Variants in MOB3B observed in about 807,000 individuals in gnomAD.
MOB3B encodes MOB kinase activator-like 2B.
In MOB3B, 7 loss-of-function variants were observed where a neutral mutation model predicts 18.7. That is an observed-to-expected ratio of 0.37 (90% CI 0.21 to 0.70). The LOEUF (loss-of-function observed/expected upper bound fraction) is 0.70. Ranked by LOEUF, MOB3B falls within the 30% of genes least tolerant of loss-of-function variation. MOB3B has a pLI of 0.52. For missense variants in MOB3B, 253 were observed against 281.3 expected, an observed-to-expected ratio of 0.90 and a Z score of 0.72; for synonymous variants, 111 against 99.9, an observed-to-expected ratio of 1.11 and a Z score of -0.66.
chr9:27,482,193 T>C (rs892056463), intron 1 of MOB3B, among the ~76,000 whole-genome samples: 1 of 152,252 alleles, frequency 6.6e-6, no homozygotes, highest in Non-Finnish European at 1.5e-5. Context: ...ATTTCCGCCC[T>C]GTTCAACCTT....
intron 1 of MOB3B, among the ~76,000 whole-genome samples, chr9:27,467,172 C>T (rs925757238): frequency 1.3e-5 from 2 of 152,040 alleles, no homozygotes; most frequent in African/African-American, 4.8e-5. Flanking sequence ...AATTGCAAAC[C>T]ATGTATCCTC....
intron 1 of MOB3B, among the ~76,000 whole-genome samples, chr9:27,494,010 G>A (rs895103868): frequency 5.9e-5 from 9 of 152,204 alleles, no homozygotes; most frequent in Admixed American, 2.0e-4. Context: ...AAAAGAATAC[G>A]CACCTGGAGG....
chr9:27,325,359 G>A lies in MOB3B; in HGVS notation c.*5228C>T, dbSNP rs558038324. ...CAAATGCTTAATACAATCATAAATG[G>A]AACCAAAAATATAGTAAACATTTCT... On this transcript the variant is annotated 3_prime_UTR_variant, in exon 4 of 4. Coordinates refer to ENST00000262244, the MANE Select transcript of MOB3B (RefSeq NM_024761.5). 1 of 152,154 alleles carries A rather than the reference G, an allele frequency of 6.6e-6. No homozygotes were observed. The highest frequency in any genetic ancestry group is 2.1e-4 in the South Asian group (1 of 4,810). 9.4% of individuals were successfully genotyped at this position (152,154 alleles called of 1,614,324 possible).
intron 2 of MOB3B, among the ~76,000 whole-genome samples, chr9:27,383,207 A>G (rs1251553144): frequency 6.6e-6 from 1 of 152,178 alleles, no homozygotes; most frequent in Non-Finnish European, 1.5e-5. Flanking sequence ...CCTTGGAGGT[A>G]ATAACAGAAC....
chr9:27,328,262 G>A lies in MOB3B; in HGVS notation c.*2325C>T, dbSNP rs1443869483. On this transcript the variant is annotated 3_prime_UTR_variant, in exon 4 of 4. Transcript: ENST00000262244. ...GAGGGTTGTCAGTCTCTGACCCAGA[G>A]GGCTGAAGCTCCATTTATAACAGAG... 6.6e-6 allele frequency: 1 copy of A among 151,924 alleles called. No homozygotes were observed. Among genetic ancestry groups the A allele is most frequent in the Non-Finnish European group, 1.5e-5 (1 of 67,870 alleles). The allele number at this position is 151,924 out of a possible 1,614,324, so 9.4% of individuals were successfully genotyped here. A position where few individuals can be genotyped will look rare whatever the true frequency, so the allele number is the denominator to read the frequency against.
chr9:27,481,858 T>C (rs1819662866), intron 1 of MOB3B, among the ~76,000 whole-genome samples: 2 of 152,154 alleles, frequency 1.3e-5, no homozygotes, highest in Non-Finnish European at 2.9e-5. Context: ...CGTTGCCATG[T>C]GGGAATACAG....
chr9:27,438,577 A>C (rs1028714199), intron 2 of MOB3B, among the ~76,000 whole-genome samples: 5 of 152,162 alleles, frequency 3.3e-5, no homozygotes, highest in Admixed American at 1.3e-4. Flanking sequence ...GTTTGTTATA[A>C]AGGCTACAAT....
rs1820737610 is a variant in MOB3B at position 27,328,115 on chromosome 9, C to T, written c.*2472G>A. Reference sequence around the variant, plus strand: ...CAAGGCAAAACATTAACAACTGATGCACTAAAGGACATAAGGGTACTCACT... The same window carrying T: ...CAAGGCAAAACATTAACAACTGATGTACTAAAGGACATAAGGGTACTCACT... On this transcript the variant is annotated 3_prime_UTR_variant, in exon 4 of 4. Transcript: ENST00000262244. 6.6e-6 allele frequency: 1 copy of T among 151,244 alleles called. No individual in the cohort carries two copies. The highest frequency in any genetic ancestry group is 1.5e-5 in the Non-Finnish European group (1 of 67,858). The allele number at this position is 151,244 out of a possible 1,614,324, so 9.4% of individuals were successfully genotyped here.
intron 2 of MOB3B, among the ~76,000 whole-genome samples, chr9:27,406,400 T>C (rs1191974901): frequency 6.6e-6 from 1 of 152,158 alleles, no homozygotes; most frequent in Non-Finnish European, 1.5e-5. Flanking sequence ...CTTAAATGTA[T>C]ACAGAACCAC....
chr9:27,383,591 TTTTTATA>T (rs1280216689), intron 2 of MOB3B, among the ~76,000 whole-genome samples: 1 of 152,194 alleles, frequency 6.6e-6, no homozygotes, highest in East Asian at 1.9e-4. Context: ...ACAAGCTGCT[TTTTTATA>T]TGTGGATATG....
intron 1 of MOB3B, among the ~76,000 whole-genome samples, chr9:27,500,398 A>T (rs1294833831): frequency 6.6e-6 from 1 of 152,244 alleles, no homozygotes. Flanking sequence ...ACCAAAACAG[A>T]GATATAGACC....
intron 2 of MOB3B, among the ~76,000 whole-genome samples, chr9:27,370,345 C>T (rs958645419): frequency 5.9e-5 from 9 of 151,942 alleles, no homozygotes; most frequent in Non-Finnish European, 1.2e-4. Flanking sequence ...CCCGTCTGTA[C>T]TAAAAATACA....
intron 1 of MOB3B, among the ~76,000 whole-genome samples, chr9:27,523,519 A>G (rs1173595335): frequency 6.6e-6 from 1 of 152,186 alleles, no homozygotes; most frequent in African/African-American, 2.4e-5. Flanking sequence ...AGAGAAGTTA[A>G]TGAGGCAGAA....
In MOB3B at chr9:27,370,031, A is replaced by G. The variant is rs574680541; in HGVS notation, c.419-10795T>C. 2.0e-5 allele frequency among the ~76,000 whole-genome samples: 3 copies of G among 151,120 alleles called. No individual in the cohort carries two copies. The East Asian group carries it at 5.9e-4, about 30-fold the overall frequency. Reference sequence around the variant, plus strand: ...TAGTCATAGCCCTGGCATCGAATGCATAGCAGAACACGGTGGTTCTCCATA... The same window carrying G: ...TAGTCATAGCCCTGGCATCGAATGCGTAGCAGAACACGGTGGTTCTCCATA... On this transcript the variant is annotated intron_variant, in intron 2 of 3. Transcript: ENST00000262244.
At chr9:27,346,933 T>C (rs1194603531) in intron 3 of MOB3B, among the ~76,000 whole-genome samples, 1 of 151,956 alleles carries the variant, frequency 6.6e-6, no homozygotes, top group African/African-American at 2.4e-5. Context: ...GAGGTGGAGG[T>C]TGCAGTGAGC....
At chr9:27,370,266 T>C (rs1747310692) in intron 2 of MOB3B, among the ~76,000 whole-genome samples, 2 of 151,948 alleles carry the variant, frequency 1.3e-5, no homozygotes. Flanking sequence ...CCCAGCACTT[T>C]GGGAGGCTAA....
At chr9:27,425,207 G>C (rs10812593) in intron 2 of MOB3B, among the ~76,000 whole-genome samples, 80,943 of 151,464 alleles carry the variant, frequency 0.53, 22,111 homozygotes, top group Non-Finnish European at 0.58. Context: ...GAAACCCTGT[G>C]TCTACTAAAA....
chr9:27,460,565 C>T (rs567608283), intron 1 of MOB3B, among the ~76,000 whole-genome samples: 4 of 152,198 alleles, frequency 2.6e-5, no homozygotes, highest in African/African-American at 9.7e-5. Flanking sequence ...AGAGATCCAT[C>T]TTCTCTAGCC....
At chr9:27,500,873 A>C (rs1441146241) in intron 1 of MOB3B, among the ~76,000 whole-genome samples, 1 of 152,238 alleles carries the variant, frequency 6.6e-6, no homozygotes, top group Non-Finnish European at 1.5e-5. Context: ...AATATTCAGA[A>C]TCTACAAAGA....
Sources: gnomAD v4.1 joint callset for allele counts (sites outside exome capture counted in the v4.1 genomes callset) on GRCh38, gnomAD v4.1.1 for gene constraint, MANE v1.5 for transcripts, NCBI Gene and HGNC (gene_info 2026-07-23, HGNC 2026-07-21) for gene names.